Variants in ABCA7 observed in about 807,000 individuals in gnomAD.
The protein encoded by ABCA7 is phospholipid-transporting ATPase ABCA7.
In ABCA7, 261 loss-of-function variants were observed where a neutral mutation model predicts 227.6. The observed-to-expected ratio is 1.15, with a 90% CI of 1.04 to 1.27. ABCA7 has a LOEUF of 1.27. Ranked by LOEUF, ABCA7 falls within the 50% of genes most tolerant of loss-of-function variation. The pLI, the probability that ABCA7 is intolerant of heterozygous loss-of-function variation, is 0.00. For synonymous variants in ABCA7, 1,488 were observed against 1,279.7 expected (o/e 1.16, Z -3.47); for missense variants, 3,331 against 2,924.5 (o/e 1.14, Z -3.21).
At chr19:1,045,993 C>A (rs932584786) in intron 12 of ABCA7, among the ~76,000 whole-genome samples, 3 of 152,182 alleles carry the variant, frequency 2.0e-5, no homozygotes, top group South Asian at 2.1e-4. Context: ...GGCGATAGAG[C>A]GAGACTCCGT....
At chr19:1,062,435 AG>A in intron 42 of ABCA7, 122 bp downstream of exon 42, 5 of 1,462,190 alleles carry the variant, frequency 3.4e-6, no homozygotes, top group Non-Finnish European at 4.6e-6. Context: ...CCCTGCCCCC[AG>A]ACCGTGCTTC....
rs1204409010 is a variant in ABCA7, at chr19:1,056,833, A to G, written c.4587-74A>G. 3.0e-5 allele frequency: 45 copies of G among 1,491,952 alleles called. No individual in the cohort carries two copies. The highest frequency in any genetic ancestry group is 3.8e-5 in the Non-Finnish European group (41 of 1,090,872). 92.4% of individuals were successfully genotyped at this position (1,491,952 alleles called of 1,614,324 possible). A position where few individuals can be genotyped will look rare whatever the true frequency, so the allele number is the denominator to read the frequency against. ...TGCCCCATAGACCTTTGTCCCATCA[A>G]TGGCGTGTTCAGCTCTGCTCTGAGC... On this transcript the variant is annotated intron_variant, in intron 33 of 46. Coordinates refer to ENST00000263094, the MANE Select transcript of ABCA7 (RefSeq NM_019112.4). This position sits in a 1 kb window ranked among gnomAD's most constrained non-coding sequence, Gnocchi z 4.3.
Position 1,055,934 on chromosome 19 carries a change from G to A in ABCA7, c.4233G>A (p.Glu1411=). The A allele has an allele frequency of 6.3e-7, 1 of 1,594,258 alleles. No homozygotes were observed. The highest frequency in any genetic ancestry group is 1.7e-4 in the Middle Eastern group (1 of 5,972). The change falls in exon 31 of 47, where the codon GAG becomes GAA. Residue 1411 remains glutamate, a synonymous_variant. Transcript: ENST00000263094. ...TGAAGACTAAGAAGTGGGTGAATGA[G>A]GTCAGGTGAGGAGGGGTCTAGCTTG... ...QGLKTKKWVN[E]VRYGGFSLGG...
At position 1,044,634 on chromosome 19, in the gene ABCA7, C is replaced by T; in HGVS notation, c.1105C>T (p.His369Tyr). The part of the protein sequence containing the change: ...RRQPRPGGRD[H>Y]MEALRSFLDP... Reference sequence around the variant, plus strand: ...GCAGCCCAGACCTGGAGGCCGGGACCACATGGAGGCCCTGCGATCCTTTCT... The same window carrying T: ...GCAGCCCAGACCTGGAGGCCGGGACTACATGGAGGCCCTGCGATCCTTTCT... Residue 369 changes from histidine to tyrosine, a missense_variant, in exon 11 of 47, where the codon CAC becomes TAC. Coordinates refer to ENST00000263094, the MANE Select transcript of ABCA7 (RefSeq NM_019112.4). 2 of 1,613,282 alleles carry T rather than the reference C, an allele frequency of 1.2e-6. No individual in the cohort carries two copies. The highest frequency in any genetic ancestry group is 2.2e-5 in the East Asian group (1 of 44,872).
chr19:1,046,183 G>A (rs2040633516), intron 12 of ABCA7, 47 bp from the exon 13 acceptor site: 1 of 1,590,802 alleles, frequency 6.3e-7, no homozygotes, highest in African/African-American at 1.3e-5. Context: ...GGGGCCCCGG[G>A]AGTTTCTAGC....
At chr19:1,059,809 G>A (rs1406273833) in intron 40 of ABCA7, among the ~76,000 whole-genome samples, 10 of 152,096 alleles carry the variant, frequency 6.6e-5, no homozygotes, top group East Asian at 1.9e-4. Context: ...TGATCCACCC[G>A]CCTCAGCCTC....
At position 1,054,490 on chromosome 19, in the gene ABCA7, G is replaced by T; in HGVS notation, c.3727-80G>T. 1 of 1,576,528 alleles carries T rather than the reference G, an allele frequency of 6.3e-7. No homozygotes were observed. The highest frequency in any genetic ancestry group is 8.6e-7 in the Non-Finnish European group (1 of 1,160,388). On this transcript the variant is annotated intron_variant, in intron 27 of 46. Transcript: ENST00000263094. The surrounding 1 kb of genome is among the most constrained non-coding windows in gnomAD (Gnocchi z 4.8). ...TGAGGGCACTGGGGAGCCATGGGTG[G>T]TTGTAGAGCAGGAGCAGGGACAGGT... is the stretch of plus-strand genomic sequence containing the variant.
Position 1,054,578 on chromosome 19 carries a change from G to A in ABCA7, c.3735G>A (p.Leu1245=), listed in dbSNP as rs746420078. ...ATGGGCTGGTCCCCCAGATCGTGCT[G>A]CCTGCCCTCTTTGTGGGCCTGGCCC... ...SRRGLFAQIV[L]PALFVGLALV... is the part of the protein sequence containing the mutation. Residue 1245 remains leucine (L), a synonymous_variant, in exon 28 of 47, where the codon CTG becomes CTA. Transcript: ENST00000263094. The surrounding 1 kb of genome is among the most constrained non-coding windows in gnomAD (Gnocchi z 4.8). The A allele has an allele frequency of 1.2e-6, 2 of 1,610,486 alleles. No individual in the cohort carries two copies. Among genetic ancestry groups the A allele is most frequent in the South Asian group, 1.1e-5 (1 of 91,018 alleles).
At position 1,049,262 on chromosome 19, in the gene ABCA7, G is replaced by A. The variant is rs780554041; in HGVS notation, c.2381-4G>A. 1.3e-6 allele frequency: 2 copies of A among 1,598,240 alleles called. No individual in the cohort carries two copies. Among genetic ancestry groups the A allele is most frequent in the African/African-American group, 1.3e-5 (1 of 74,566 alleles). ...CCATGGCTGAGTCCACCCCATCTCTGCAGTGCTGGTAGAAGAGGCACCGCC... is the reference window on the plus strand; with the variant it reads ...CCATGGCTGAGTCCACCCCATCTCTACAGTGCTGGTAGAAGAGGCACCGCC... On this transcript the variant is annotated splice_polypyrimidine_tract_variant and splice_region_variant and intron_variant, in intron 17 of 46. Transcript: ENST00000263094.
intron 10 of ABCA7, among the ~76,000 whole-genome samples, chr19:1,044,097 C>T (rs148207378): frequency 0.032 from 4,848 of 150,344 alleles, 265 homozygotes; most frequent in African/African-American, 0.11. Context: ...CCACCACGCC[C>T]GGATGATTTT....
Position 1,045,226 on chromosome 19 carries a change from G to A in ABCA7, c.1440G>A (p.Arg480=). 1 of 1,606,200 alleles carries A rather than the reference G, an allele frequency of 6.2e-7. No individual in the cohort carries two copies. Among genetic ancestry groups the A allele is most frequent in the East Asian group, 2.2e-5 (1 of 44,858 alleles). ...TGGTCACGAGGACCAATAAGATCAG[G>A]GACAGGTCAGGCGAGGGAGGGGGCG... The part of the protein sequence containing the change: ...IDVVTRTNKI[R]DRFWDPGPAA... The change falls in exon 12 of 47, where the codon AGG becomes AGA. Residue 480 remains arginine, a synonymous_variant. Coordinates refer to ENST00000263094, the MANE Select transcript of ABCA7 (RefSeq NM_019112.4).
Position 1,061,891 on chromosome 19 carries a change from GA to G in ABCA7, c.5570+4del. 2 of 1,584,282 alleles carry G rather than the reference GA, an allele frequency of 1.3e-6. No homozygotes were observed. Among genetic ancestry groups the G allele is most frequent in the Non-Finnish European group, 1.7e-6 (2 of 1,167,760 alleles). On this transcript the variant is annotated splice_donor_region_variant and intron_variant, in intron 41 of 46. Transcript: ENST00000263094. ...GAGGCTGTGCTGGCAGGCCACAGGTGAGGGGTGCCAGGTAGGGTCAGGGTGG... is the reference window on the plus strand; with the variant it reads ...GAGGCTGTGCTGGCAGGCCACAGGTGGGGGTGCCAGGTAGGGTCAGGGTGG...
chr19:1,062,128 A>T, intron 41 of ABCA7, 44 bp from the exon 42 acceptor site: 1 of 1,603,048 alleles, frequency 6.2e-7, no homozygotes, highest in South Asian at 1.1e-5. Context: ...CAGTATGGTC[A>T]GGGACTAGCC....
intron 6 of ABCA7, 109 bp from the exon 7 acceptor site, chr19:1,042,637 T>C: frequency 2.5e-6 from 3 of 1,217,930 alleles, no homozygotes; most frequent in Non-Finnish European, 3.6e-6. Flanking sequence ...AGTTTCCCTA[T>C]TTGTAAAGTG....
In ABCA7 at chr19:1,047,156, G is replaced by C; in HGVS notation, c.1846-1G>C. The C allele has an allele frequency of 1.2e-6, 2 of 1,600,364 alleles. No homozygotes were observed. The highest frequency in any genetic ancestry group is 1.7e-6 in the Non-Finnish European group (2 of 1,175,690). On this transcript the variant is annotated splice_acceptor_variant, in intron 14 of 46. Coordinates refer to ENST00000263094, the MANE Select transcript of ABCA7 (RefSeq NM_019112.4). LOFTEE classifies it high-confidence loss of function. ...CCCTAAGCTCCCGTTGCCTCTCACAGCTGGGAGACATCCTCCCCTACAGCC... is the reference window on the plus strand; with the variant it reads ...CCCTAAGCTCCCGTTGCCTCTCACACCTGGGAGACATCCTCCCCTACAGCC...
chr19:1,052,286 G>A lies in ABCA7; in HGVS notation c.3220G>A (p.Gly1074Ser), dbSNP rs769611040. Reference protein sequence around the residue: ...KKNGSQGSRVGTPQLLALVQH... With the variant: ...KKNGSQGSRVSTPQLLALVQH... Reference sequence around the variant, plus strand: ...GAATGGCAGCCAGGGCAGCAGAGTCGGTGAGGGCCGGGGTGGGAGACCCAA... The same window carrying A: ...GAATGGCAGCCAGGGCAGCAGAGTCAGTGAGGGCCGGGGTGGGAGACCCAA... The change falls in exon 23 of 47, where the codon GGC becomes AGC. Residue 1074 changes from glycine (G) to serine (S), a missense_variant and splice_region_variant. Coordinates refer to ENST00000263094, the MANE Select transcript of ABCA7 (RefSeq NM_019112.4). 1.3e-4 allele frequency: 196 copies of A among 1,538,476 alleles called. No homozygotes were observed. The highest frequency in any genetic ancestry group is 1.1e-3 in the Middle Eastern group (6 of 5,572).
At chr19:1,043,640 G>A (rs2040281834) in intron 9 of ABCA7, 85 bp from the exon 10 acceptor site, 10 of 1,533,080 alleles carry the variant, frequency 6.5e-6, no homozygotes, top group Admixed American at 5.0e-5. Flanking sequence ...AGAGGCACAC[G>A]CAGGAGCAAG....
intron 45 of ABCA7, chr19:1,064,642 A>T: frequency 1.9e-6 from 1 of 527,098 alleles, no homozygotes; most frequent in Non-Finnish European, 3.3e-6. Flanking sequence ...GCGAAAGAGG[A>T]GTGTCCGAAA....
chr19:1,042,881 TGCGCCGGGAGGGTCTGGGGCAGCCC>T, intron 7 of ABCA7, 55 bp downstream of exon 7: 2 of 1,528,144 alleles, frequency 1.3e-6, no homozygotes. Context: ...GCAGGCAGCC[TGCGCCGGGAGGGTCTGGGGCAGCCC>T]GGGCACTTCC....
Sources: gnomAD v4.1 joint callset for allele counts (sites outside exome capture counted in the v4.1 genomes callset) on GRCh38, gnomAD v4.1.1 for gene constraint, Gnocchi (gnomAD v3.1) non-coding constraint, MANE v1.5 for transcripts, NCBI Gene and HGNC (gene_info 2026-07-23, HGNC 2026-07-21) for gene names.